PPP1R9A: variants seen among roughly 807,000 people sequenced by gnomAD.
The protein encoded by PPP1R9A is protein phosphatase 1 regulatory subunit 9A.
PPP1R9A carries 59 observed loss-of-function variants against 141.9 expected under a neutral mutation model. That is an observed-to-expected ratio of 0.42 (90% CI 0.34 to 0.52). The LOEUF is 0.52. Ranked by LOEUF, PPP1R9A falls within the 20% of genes least tolerant of loss-of-function variation. PPP1R9A has a pLI of 0.10. For missense variants in PPP1R9A, 1,444 were observed against 1,611.9 expected, an observed-to-expected ratio of 0.90 and a Z score of 1.78; for synonymous variants, 500 against 569.7, an observed-to-expected ratio of 0.88 and a Z score of 1.74.
chr7:95,069,262 C>T (rs746579268), intron 2 of PPP1R9A, among the ~76,000 whole-genome samples: 10 of 152,050 alleles, frequency 6.6e-5, no homozygotes, highest in Non-Finnish European at 1.3e-4. Context: ...GGACAAGAAT[C>T]AGAAATGTGG....
chr7:95,208,683 C>T (rs1309464530), intron 7 of PPP1R9A, among the ~76,000 whole-genome samples: 1 of 151,418 alleles, frequency 6.6e-6, no homozygotes, highest in Non-Finnish European at 1.5e-5. Flanking sequence ...GAGATCACAC[C>T]ACGGCACTCC....
intron 8 of PPP1R9A, among the ~76,000 whole-genome samples, chr7:95,233,114 C>A (rs952369961): frequency 6.6e-6 from 1 of 152,186 alleles, no homozygotes; most frequent in Admixed American, 6.5e-5. Flanking sequence ...GACTTGGAAC[C>A]AACCCAAATG....
chr7:95,198,979 C>A (rs1348790360), intron 6 of PPP1R9A, among the ~76,000 whole-genome samples: 1 of 152,086 alleles, frequency 6.6e-6, no homozygotes, highest in Non-Finnish European at 1.5e-5. Context: ...AGAAAAAGTT[C>A]TTTGGATCTG....
At chr7:95,133,516 TATATATATA>T (rs1563286633) in intron 4 of PPP1R9A, among the ~76,000 whole-genome samples, 2 of 25,124 alleles carry the variant, frequency 8.0e-5, no homozygotes, top group East Asian at 0.02. Flanking sequence ...AGTCGTATTA[TATATATATA>T]TATATATATA....
At chr7:95,068,149 C>T (rs745494500) in intron 2 of PPP1R9A, among the ~76,000 whole-genome samples, 21 of 152,078 alleles carry the variant, frequency 1.4e-4, no homozygotes, top group Non-Finnish European at 2.6e-4. Context: ...TAAGAAGTAA[C>T]GACTGTTAGC....
intron 10 of PPP1R9A, among the ~76,000 whole-genome samples, chr7:95,251,277 T>C (rs1052992994): frequency 6.6e-6 from 1 of 152,182 alleles, no homozygotes; most frequent in African/African-American, 2.4e-5. Flanking sequence ...ATATTATCCT[T>C]AGGTCTATAA....
chr7:95,227,931 CT>C (rs1264991957), intron 8 of PPP1R9A, among the ~76,000 whole-genome samples: 5 of 152,252 alleles, frequency 3.3e-5, no homozygotes, highest in South Asian at 2.1e-4. Context: ...AATATTGCCC[CT>C]GTGTATCACC....
intron 5 of PPP1R9A, among the ~76,000 whole-genome samples, chr7:95,168,594 G>A (rs1831630887): frequency 6.6e-6 from 1 of 151,744 alleles, no homozygotes; most frequent in Non-Finnish European, 1.5e-5. Context: ...ACAACAGAGT[G>A]AAGAGACAGC....
chr7:95,003,021 A>T (rs1044663995), intron 2 of PPP1R9A, among the ~76,000 whole-genome samples: 2 of 152,206 alleles, frequency 1.3e-5, no homozygotes, highest in African/African-American at 4.8e-5. Flanking sequence ...TTGTAAAAAA[A>T]GTCCCATAAG....
chr7:94,910,442 A>T lies in PPP1R9A; in HGVS notation c.329A>T (p.Asp110Val), dbSNP rs760073246. Residue 110 changes from aspartate to valine, a missense_variant, in exon 2 of 20, where the codon GAT becomes GTT. Physicochemically the swap from Asp to Val is radical, Grantham distance 152 (BLOSUM62 -3). This residue lies in a region of PPP1R9A where 490 missense variants were observed against 521.1 expected (regional missense o/e 0.94). Coordinates refer to ENST00000433360, the MANE Select transcript of PPP1R9A (RefSeq NM_001166160.2). The surrounding 1 kb of genome is among the most constrained non-coding windows in gnomAD (Gnocchi z 4.5). ...CCCAAAGAATTTCTGGAAAAAACAGATGGCTCAGTTGTTAAGTTGGAGTCT... is the reference window on the plus strand; with the variant it reads ...CCCAAAGAATTTCTGGAAAAAACAGTTGGCTCAGTTGTTAAGTTGGAGTCT... ...MKPKEFLEKT[D>V]GSVVKLESSV... The T allele has an allele frequency of 2.5e-6, 4 of 1,614,196 alleles. No individual in the cohort carries two copies. Among genetic ancestry groups the T allele is most frequent in the Middle Eastern group, 3.3e-4 (2 of 6,062 alleles).
intron 5 of PPP1R9A, among the ~76,000 whole-genome samples, chr7:95,169,654 A>T (rs532155986): frequency 6.6e-6 from 1 of 152,056 alleles, no homozygotes; most frequent in African/African-American, 2.4e-5. Flanking sequence ...ATAAATATGT[A>T]CAAATGTTTA....
At chr7:94,908,198 T>G in intron 1 of PPP1R9A, 2 of 131,694 alleles carry the variant, frequency 1.5e-5, no homozygotes, top group African/African-American at 3.0e-5. Flanking sequence ...GAGGAAAAAA[T>G]CGGCTTGTAC....
At chr7:94,982,573 C>T (rs1800260048) in intron 2 of PPP1R9A, among the ~76,000 whole-genome samples, 1 of 152,128 alleles carries the variant, frequency 6.6e-6, no homozygotes, top group Admixed American at 6.5e-5. Context: ...CTCTGATGAC[C>T]AGTGATGATG....
At chr7:95,046,805 G>A (rs191707440) in intron 2 of PPP1R9A, among the ~76,000 whole-genome samples, 1 of 152,092 alleles carries the variant, frequency 6.6e-6, no homozygotes, top group South Asian at 2.1e-4. Context: ...ATAAAAGCTC[G>A]TGAATCCTTG....
chr7:95,108,332 T>TTTTTTTTTTTTTTTTTTTTTTC (rs1554509667), intron 2 of PPP1R9A, among the ~76,000 whole-genome samples: 1 of 139,968 alleles, frequency 7.1e-6, no homozygotes, highest in African/African-American at 2.8e-5. Flanking sequence ...TTTTTTTTTT[T>TTTTTTTTTTTTTTTTTTTTTTC]TGAGACAGTC....
At chr7:94,978,217 A>AGG (rs1799696077) in intron 2 of PPP1R9A, among the ~76,000 whole-genome samples, 2 of 152,206 alleles carry the variant, frequency 1.3e-5, no homozygotes, top group Non-Finnish European at 2.9e-5. Context: ...GATTTCTTAT[A>AGG]AGATACCTAG....
At chr7:95,108,238 G>C (rs1399532114) in intron 2 of PPP1R9A, among the ~76,000 whole-genome samples, 1 of 149,300 alleles carries the variant, frequency 6.7e-6, no homozygotes, top group East Asian at 2.0e-4. Flanking sequence ...CTATAAGTAA[G>C]CTGAAGATGA....
chr7:95,082,795 G>T (rs1232316476), intron 2 of PPP1R9A, among the ~76,000 whole-genome samples: 1 of 140,664 alleles, frequency 7.1e-6, no homozygotes, highest in East Asian at 2.1e-4. Flanking sequence ...TTTTTGAGAC[G>T]GAGTCTTGCT....
chr7:94,957,117 CT>C (rs745616428), intron 2 of PPP1R9A, among the ~76,000 whole-genome samples: 2 of 152,034 alleles, frequency 1.3e-5, no homozygotes, highest in Non-Finnish European at 2.9e-5. Flanking sequence ...TCCTTGTGTT[CT>C]TTATTTTAAA....
Sources: gnomAD v4.1 joint callset for allele counts (sites outside exome capture counted in the v4.1 genomes callset) on GRCh38, gnomAD v4.1.1 for gene constraint, gnomAD v4.1.1 regional missense constraint, Gnocchi (gnomAD v3.1) non-coding constraint, MANE v1.5 for transcripts, NCBI Gene and HGNC (gene_info 2026-07-23, HGNC 2026-07-21) for gene names.